Variants in SH3KBP1 observed in about 807,000 individuals in gnomAD.
SH3KBP1 encodes SH3 domain containing kinase binding protein 1, also known as SH3 domain-containing kinase-binding protein 1.
Under a neutral mutation model 50.1 loss-of-function variants are expected in SH3KBP1, and 8 were observed. The ratio of observed to expected loss-of-function variants is 0.16; its 90% confidence interval spans 0.09 to 0.29. The LOEUF is 0.29. Among genes scored for constraint, SH3KBP1 ranks in the 10% least tolerant of loss-of-function variants. The probability of loss-of-function intolerance (pLI) is 1.00; values close to 1 mark genes in which losing one functional copy is unlikely to be tolerated. For synonymous variants in SH3KBP1, 227 were observed against 218.6 expected (o/e 1.04, Z -0.34); for missense variants, 377 against 535.2 (o/e 0.70, Z 2.92).
intron 3 of SH3KBP1, among the ~76,000 whole-genome samples, chrX:19,731,189 T>C (rs1190255522): frequency 8.9e-6 from 1 of 112,277 alleles, no homozygotes; most frequent in Non-Finnish European, 1.9e-5. Context: ...TCCGCCCGCC[T>C]CGGCCTCCCA....
intron 14 of SH3KBP1, 23 bp downstream of exon 14, chrX:19,549,951 A>G (rs1304733834): frequency 6.7e-6 from 7 of 1,049,763 alleles, no homozygotes; most frequent in Non-Finnish European, 9.3e-6. Flanking sequence ...GTAAGGGAAC[A>G]TACAGTTTGA....
intron 12 of SH3KBP1, 25 bp downstream of exon 12, chrX:19,588,618 C>G: frequency 5.0e-6 from 6 of 1,207,790 alleles, no homozygotes; most frequent in Non-Finnish European, 5.6e-6. Flanking sequence ...CCACACCCGC[C>G]CCGGAGGTGA....
chrX:19,767,302 G>A (rs930047364), intron 2 of SH3KBP1, among the ~76,000 whole-genome samples: 1 of 111,771 alleles, frequency 8.9e-6, no homozygotes, highest in Admixed American at 9.5e-5. Flanking sequence ...CAAGCCAGGA[G>A]GGAAAATTCC....
intron 7 of SH3KBP1, among the ~76,000 whole-genome samples, chrX:19,642,775 T>C: frequency 9.0e-6 from 1 of 111,332 alleles, no homozygotes; most frequent in Middle Eastern, 4.6e-3. Flanking sequence ...CCAGCATGAG[T>C]TTCTGATGAA....
chrX:19,671,806 C>A (rs1275264055), intron 6 of SH3KBP1, among the ~76,000 whole-genome samples: 3 of 112,135 alleles, frequency 2.7e-5, no homozygotes, highest in African/African-American at 9.7e-5. Context: ...GCTTGGCACA[C>A]AGTAAATATC....
chrX:19,583,817 A>C (rs1245345738), intron 12 of SH3KBP1, among the ~76,000 whole-genome samples: 1 of 103,636 alleles, frequency 9.6e-6, no homozygotes, highest in Non-Finnish European at 1.9e-5. Flanking sequence ...TATACTTATA[A>C]CTATATTAAT....
intron 1 of SH3KBP1, among the ~76,000 whole-genome samples, chrX:19,863,825 G>A (rs1056073066): frequency 2.7e-5 from 3 of 111,951 alleles, no homozygotes; most frequent in African/African-American, 9.7e-5. Context: ...TTAGCCCAGC[G>A]TCTAAGTTGA....
chrX:19,541,778 A>T, intron 16 of SH3KBP1, 147 bp downstream of exon 16: 1 of 629,871 alleles, frequency 1.6e-6, no homozygotes, highest in Non-Finnish European at 2.5e-6. Flanking sequence ...CTCGGGGTCT[A>T]CACGCACTCC....
intron 16 of SH3KBP1, among the ~76,000 whole-genome samples, chrX:19,538,661 A>G (rs1438664983): frequency 9.1e-6 from 1 of 109,618 alleles, no homozygotes; most frequent in African/African-American, 3.3e-5. Flanking sequence ...ATCTCGGTTC[A>G]CTGCAACCTC....
At chrX:19,542,706 G>A (rs959411662) in intron 15 of SH3KBP1, among the ~76,000 whole-genome samples, 6 of 111,867 alleles carry the variant, frequency 5.4e-5, no homozygotes, top group Middle Eastern at 4.2e-3. Flanking sequence ...TCTTGGAGGA[G>A]GACCAAGAAG....
chrX:19,880,339 A>G (rs146313766), intron 1 of SH3KBP1, among the ~76,000 whole-genome samples: 1,155 of 112,323 alleles, frequency 0.01, 7 homozygotes, highest in Non-Finnish European at 0.017. Context: ...TATTTGGGTG[A>G]AAGGGTTACA....
intron 2 of SH3KBP1, among the ~76,000 whole-genome samples, chrX:19,793,313 A>AAAAAAAAAT (rs1418807395): frequency 2.9e-4 from 28 of 96,970 alleles, no homozygotes; most frequent in African/African-American, 9.7e-4. Context: ...AGGAAAAAAA[A>AAAAAAAAAT]ATATATATAT....
intron 2 of SH3KBP1, among the ~76,000 whole-genome samples, chrX:19,794,584 T>C (rs1330412943): frequency 9.2e-6 from 1 of 109,250 alleles, no homozygotes; most frequent in Non-Finnish European, 1.9e-5. Flanking sequence ...GCGCCTGGAG[T>C]CCCAGCATCT....
chrX:19,541,882 G>C (rs767478180), intron 16 of SH3KBP1, 43 bp downstream of exon 16: 3 of 1,174,482 alleles, frequency 2.6e-6, no homozygotes, highest in African/African-American at 3.5e-5. Flanking sequence ...GCCTGGCAGA[G>C]AGCAACCTGG....
At chrX:19,852,636 G>GAA (rs760707711) in intron 1 of SH3KBP1, among the ~76,000 whole-genome samples, 102 of 51,905 alleles carry the variant, frequency 2.0e-3, no homozygotes, top group Admixed American at 3.5e-3. Context: ...TAGCTGCACA[G>GAA]AAAAAAAAAA....
intron 8 of SH3KBP1, among the ~76,000 whole-genome samples, chrX:19,610,929 G>A (rs56348062): frequency 0.038 from 4,194 of 111,597 alleles, 90 homozygotes; most frequent in Non-Finnish European, 0.062. Flanking sequence ...TCATTGTCTA[G>A]GCTGGAGTGC....
At position 19,683,856 on chromosome X, in the gene SH3KBP1, A is replaced by T; in HGVS notation, c.693T>A (p.Ile231=). 1 of 1,211,549 alleles carries T rather than the reference A, an allele frequency of 8.3e-7. No individual in the cohort carries two copies. Among genetic ancestry groups the T allele is most frequent in the Non-Finnish European group, 1.1e-6 (1 of 895,076 alleles). The change falls in exon 6 of 18, where the codon ATT becomes ATA. Residue 231 remains isoleucine, a synonymous_variant. Transcript: ENST00000397821. ...DKPIKLRPRS[I]EVENDFLPVE... is the part of the protein sequence containing the mutation. ...CCGGCAGAAAGTCATTTTCTACTTC[A>T]ATTGACCTTGGTCTTAGTTTGATTG...
At chrX:19,669,088 G>A (rs1250822344) in intron 6 of SH3KBP1, among the ~76,000 whole-genome samples, 1 of 96,395 alleles carries the variant, frequency 1.0e-5, no homozygotes, top group African/African-American at 3.7e-5. Flanking sequence ...TCAGCCTCCC[G>A]AGTAGCTGGG....
intron 2 of SH3KBP1, among the ~76,000 whole-genome samples, chrX:19,795,558 G>A (rs1327700492): frequency 2.7e-5 from 3 of 111,174 alleles, no homozygotes; most frequent in Non-Finnish European, 5.7e-5. Context: ...CCCTCCTTTT[G>A]TGCTAATTTC....
Sources: gnomAD v4.1 joint callset for allele counts (sites outside exome capture counted in the v4.1 genomes callset) on GRCh38, gnomAD v4.1.1 for gene constraint, MANE v1.5 for transcripts, NCBI Gene and HGNC (gene_info 2026-07-23, HGNC 2026-07-21) for gene names.